PATJ: variants seen among roughly 807,000 people sequenced by gnomAD.
PATJ encodes PATJ crumbs cell polarity complex component.
A neutral mutation model predicts 224.9 loss-of-function variants in PATJ; 190 were observed. The observed-to-expected ratio is 0.84, with a 90% CI of 0.75 to 0.95. The LOEUF is 0.95. Ranked by LOEUF, PATJ falls within the 40% of genes least tolerant of loss-of-function variation. The probability of loss-of-function intolerance (pLI) is 0.00; values close to 1 mark genes in which losing one functional copy is unlikely to be tolerated. For synonymous variants in PATJ, 769 were observed against 820.3 expected, an observed-to-expected ratio of 0.94 and a Z score of 1.07; for missense variants, 2,121 against 2,270.3, an observed-to-expected ratio of 0.93 and a Z score of 1.34.
rs1249302213 is a variant in PATJ at position 61,813,368 on chromosome 1, TATATATATATACACACAC to T, written c.1683+4840_1683+4857del. 9.6e-3 allele frequency among the ~76,000 whole-genome samples: 444 copies of T among 46,094 alleles called. 3 individuals carry two copies. The highest frequency in any genetic ancestry group is 0.023 in the African/African-American group (285 of 12,280). 30.2% of individuals were successfully genotyped at this position (46,094 alleles called of 152,430 possible). The stretch of plus-strand genomic sequence containing the variant: ...ATATATATATATATATATATATATA[TATATATATATACACACAC>T]ACACACACACACATACACACATATA... On this transcript the variant is annotated intron_variant, in intron 14 of 43. Transcript: ENST00000642238.
At position 61,885,371 on chromosome 1, in the gene PATJ, T is replaced by G. The variant is rs1668669292; in HGVS notation, c.3131+963T>G. Among the ~76,000 whole-genome samples the G allele has an allele frequency of 2.0e-5, 3 of 152,098 alleles. 1 individual carries two copies. The highest frequency in any genetic ancestry group is 7.2e-5 in the African/African-American group (3 of 41,392). On this transcript the variant is annotated intron_variant, in intron 22 of 43. Coordinates refer to ENST00000642238, the MANE Select transcript of PATJ (RefSeq NM_001350145.3). ...ACCCCATCAAAAAGTGGGCAAAGGA[T>G]ATGAACAGACACTTCTCAAAAGAAG...
chr1:61,874,732 GT>G (rs1399991499), intron 20 of PATJ, among the ~76,000 whole-genome samples: 1 of 152,230 alleles, frequency 6.6e-6, no homozygotes, highest in African/African-American at 2.4e-5. Flanking sequence ...GGAAAATGCA[GT>G]TAAGTTATCA....
intron 25 of PATJ, among the ~76,000 whole-genome samples, chr1:61,910,193 A>G (rs368372708): frequency 7.2e-5 from 11 of 152,256 alleles, no homozygotes; most frequent in African/African-American, 2.7e-4. Context: ...AGAATGAGCC[A>G]ATCAAATTAT....
At chr1:61,758,318 A>G (rs576909830) in intron 1 of PATJ, among the ~76,000 whole-genome samples, 8 of 152,278 alleles carry the variant, frequency 5.3e-5, no homozygotes, top group South Asian at 2.1e-4. Flanking sequence ...TCACTTCTAC[A>G]TGTATTTATG....
intron 27 of PATJ, among the ~76,000 whole-genome samples, chr1:61,966,458 G>A (rs1416259550): frequency 1.3e-5 from 2 of 152,034 alleles, no homozygotes; most frequent in Non-Finnish European, 2.9e-5. Flanking sequence ...GGCCAACCCG[G>A]GTGGGTCACC....
At chr1:62,022,675 C>T (rs1017182401) in intron 29 of PATJ, among the ~76,000 whole-genome samples, 1 of 152,174 alleles carries the variant, frequency 6.6e-6, no homozygotes, top group Admixed American at 6.5e-5. Flanking sequence ...TGTATAACAA[C>T]TCACTCTCCA....
In PATJ at chr1:61,763,761, G is replaced by C. The variant is rs553316491; in HGVS notation, c.189+582G>C. Among the ~76,000 whole-genome samples, 166 of 152,202 alleles carry C rather than the reference G, an allele frequency of 1.1e-3. 2 individuals carry two copies. Among genetic ancestry groups the C allele is most frequent in the African/African-American group, 3.9e-3 (161 of 41,546 alleles). On this transcript the variant is annotated intron_variant, in intron 3 of 43. Coordinates refer to ENST00000642238, the MANE Select transcript of PATJ (RefSeq NM_001350145.3). ...TGCAGCCTTGACCTCCCAGGCTCAA[G>C]CAATGTTCCCACCTCAGCTTCCAGA...
intron 7 of PATJ, among the ~76,000 whole-genome samples, chr1:61,780,047 A>G (rs1166345152): frequency 6.6e-6 from 1 of 152,156 alleles, no homozygotes; most frequent in Admixed American, 6.5e-5. Context: ...AACACCTCCC[A>G]CTGGGCCCCA....
At chr1:62,016,809 G>C (rs1287639387) in intron 28 of PATJ, among the ~76,000 whole-genome samples, 1 of 152,130 alleles carries the variant, frequency 6.6e-6, no homozygotes, top group Non-Finnish European at 1.5e-5. Flanking sequence ...ACCTTCCCTA[G>C]AGTAACAAAT....
At chr1:62,063,454 ATT>A (rs368989546) in intron 31 of PATJ, among the ~76,000 whole-genome samples, 3,605 of 148,224 alleles carry the variant, frequency 0.024, 145 homozygotes, top group African/African-American at 0.084. Context: ...CTCTGGCTTC[ATT>A]TTTTTTTTCT....
chr1:61,960,914 T>C (rs894062179), intron 27 of PATJ, among the ~76,000 whole-genome samples: 1 of 152,118 alleles, frequency 6.6e-6, no homozygotes, highest in Non-Finnish European at 1.5e-5. Flanking sequence ...GAGTTAAAGA[T>C]GGAAGGATTG....
At chr1:62,063,307 T>C (rs1655865276) in intron 31 of PATJ, among the ~76,000 whole-genome samples, 1 of 152,170 alleles carries the variant, frequency 6.6e-6, no homozygotes, top group Non-Finnish European at 1.5e-5. Context: ...CAAAGATCAG[T>C]TGGTTGTAGG....
rs1279138512 is a variant in PATJ at position 62,153,347 on chromosome 1, T to G, written c.5379-11T>G. On this transcript the variant is annotated splice_polypyrimidine_tract_variant and intron_variant, in intron 42 of 43. Transcript: ENST00000642238. The stretch of plus-strand genomic sequence containing the variant: ...TATTCTCGAATTAAACAGCATGCAT[T>G]GTGTTTTCAGAACACCTCCACCTAA... 1 of 1,230,258 alleles carries G rather than the reference T, an allele frequency of 8.1e-7. No individual in the cohort carries two copies. The highest frequency in any genetic ancestry group is 1.6e-5 in the African/African-American group (1 of 64,370). The allele number at this position is 1,230,258 out of a possible 1,614,324, so 76.2% of individuals were successfully genotyped here.
At chr1:62,123,100 T>C (rs868467127) in intron 39 of PATJ, 42 bp downstream of exon 39, 1 of 1,428,270 alleles carries the variant, frequency 7.0e-7, no homozygotes, top group Non-Finnish European at 9.8e-7. Flanking sequence ...CTGGTTTGTG[T>C]TGGATTTGCA....
chr1:61,994,879 T>A (rs1645267120), intron 28 of PATJ, among the ~76,000 whole-genome samples: 1 of 152,196 alleles, frequency 6.6e-6, no homozygotes, highest in Non-Finnish European at 1.5e-5. Context: ...TAAGCATTTA[T>A]AACCCATCTT....
chr1:62,038,838 T>G, intron 30 of PATJ: 1 of 704,530 alleles, frequency 1.4e-6, no homozygotes, highest in South Asian at 1.4e-5. Flanking sequence ...GGACGGTGGG[T>G]GGGATGGAGG....
chr1:61,767,904 C>T (rs1214305335), intron 4 of PATJ, among the ~76,000 whole-genome samples: 1 of 151,760 alleles, frequency 6.6e-6, no homozygotes, highest in Non-Finnish European at 1.5e-5. Context: ...CTCTCCTGAC[C>T]TCGTGATCCT....
rs200352060 is a variant in PATJ at position 61,765,276 on chromosome 1, A to G, written c.190-1003A>G. ...TTTTTGTTGAGACAAGAGTCTCACT[A>G]TGTTGCCCAGGCTGGTCTTGAACTC... On this transcript the variant is annotated intron_variant, in intron 3 of 43. Coordinates refer to ENST00000642238, the MANE Select transcript of PATJ (RefSeq NM_001350145.3). Among the ~76,000 whole-genome samples, 7 of 151,016 alleles carry G rather than the reference A, an allele frequency of 4.6e-5. No individual in the cohort carries two copies. The East Asian group carries it at 7.8e-4, about 17-fold the overall frequency.
intron 28 of PATJ, among the ~76,000 whole-genome samples, chr1:61,993,875 G>A (rs938040955): frequency 6.6e-6 from 1 of 152,138 alleles, no homozygotes; most frequent in African/African-American, 2.4e-5. Flanking sequence ...GAACTCTGCT[G>A]GATAAAAAAT....
Sources: gnomAD v4.1 joint callset for allele counts (sites outside exome capture counted in the v4.1 genomes callset) on GRCh38, gnomAD v4.1.1 for gene constraint, MANE v1.5 for transcripts, NCBI Gene and HGNC (gene_info 2026-07-23, HGNC 2026-07-21) for gene names.